Variants in ZCCHC14 observed in about 807,000 individuals in gnomAD.
ZCCHC14 encodes the protein zinc finger CCHC-type containing 14.
In ZCCHC14, 16 loss-of-function variants were observed where a neutral mutation model predicts 85.0. That is an observed-to-expected ratio of 0.19 (90% CI 0.13 to 0.29). ZCCHC14 has a LOEUF of 0.29. ZCCHC14 is among the 10% of genes least tolerant of loss of function. The pLI is 1.00. For synonymous variants in ZCCHC14, 775 were observed against 630.7 expected, an observed-to-expected ratio of 1.23 and a Z score of -3.43; for missense variants, 1,303 against 1,443.5, an observed-to-expected ratio of 0.90 and a Z score of 1.58.
At chr16:87,489,134 C>T (rs1173755470) in intron 1 of ZCCHC14, among the ~76,000 whole-genome samples, 8 of 152,182 alleles carry the variant, frequency 5.3e-5, no homozygotes, top group African/African-American at 1.7e-4. Context: ...GGTTCATCAA[C>T]GTCAGCCTTA....
intron 2 of ZCCHC14, among the ~76,000 whole-genome samples, chr16:87,447,628 T>A (rs144077003): frequency 1.3e-5 from 2 of 152,356 alleles, no homozygotes; most frequent in East Asian, 3.9e-4. Context: ...CTGGGTTGTT[T>A]CCAGTTTGGG....
intron 3 of ZCCHC14, among the ~76,000 whole-genome samples, chr16:87,428,270 A>G (rs1209566149): frequency 6.6e-6 from 1 of 152,202 alleles, no homozygotes; most frequent in Non-Finnish European, 1.5e-5. Flanking sequence ...ACAGGCTGAG[A>G]AAATCAGTGG....
At position 87,417,528 on chromosome 16, in the gene ZCCHC14, G is replaced by A. The variant is rs1908849473; in HGVS notation, c.1315C>T (p.Leu439=). 1 of 1,614,270 alleles carries A rather than the reference G, an allele frequency of 6.2e-7. No homozygotes were observed. The highest frequency in any genetic ancestry group is 1.3e-5 in the African/African-American group (1 of 75,068). Residue 439 remains leucine (L), a synonymous_variant, in exon 8 of 13, where the codon CTA becomes TTA. Transcript: ENST00000671377. ...TPQTQEQNGI[L]DWLRKLRLHK... ...AAACGCAGTTTCCTAAGCCAGTCTAGAATCCCATTCTGCTCCTGGGTCTGA... is the reference window on the plus strand; with the variant it reads ...AAACGCAGTTTCCTAAGCCAGTCTAAAATCCCATTCTGCTCCTGGGTCTGA...
intron 1 of ZCCHC14, chr16:87,471,266 A>T (rs1249138982): frequency 6.6e-6 from 1 of 152,274 alleles, no homozygotes; most frequent in Non-Finnish European, 1.5e-5. Flanking sequence ...CATTTTGCTA[A>T]AATAGTCATT....
intron 1 of ZCCHC14, chr16:87,467,090 G>T (rs1276157785): frequency 8.8e-6 from 5 of 565,002 alleles, no homozygotes; most frequent in South Asian, 4.1e-5. Flanking sequence ...CCGCTATGTT[G>T]CCCCATCTGA....
intron 3 of ZCCHC14, among the ~76,000 whole-genome samples, chr16:87,424,921 T>C (rs944475499): frequency 2.0e-5 from 3 of 151,944 alleles, no homozygotes; most frequent in African/African-American, 7.3e-5. Context: ...ACCAAATACA[T>C]TATGCAAAAG....
intron 1 of ZCCHC14, among the ~76,000 whole-genome samples, chr16:87,488,810 T>C (rs1912625620): frequency 6.6e-6 from 1 of 152,204 alleles, no homozygotes; most frequent in South Asian, 2.1e-4. Context: ...ACTCCTGGGC[T>C]CAAGCGATCT....
chr16:87,480,962 A>G (rs1301062474), intron 1 of ZCCHC14, among the ~76,000 whole-genome samples: 1 of 152,254 alleles, frequency 6.6e-6, no homozygotes, highest in Non-Finnish European at 1.5e-5. Context: ...CAGGGGACAG[A>G]TCACAAAGGC....
intron 2 of ZCCHC14, among the ~76,000 whole-genome samples, chr16:87,456,336 C>G (rs1910959167): frequency 6.6e-6 from 1 of 151,896 alleles, no homozygotes; most frequent in Non-Finnish European, 1.5e-5. Flanking sequence ...CGAGACTATC[C>G]TGGCTAACAC....
intron 1 of ZCCHC14, among the ~76,000 whole-genome samples, chr16:87,476,368 C>T (rs1197762440): frequency 1.3e-5 from 2 of 151,964 alleles, no homozygotes; most frequent in South Asian, 2.1e-4. Flanking sequence ...ATATTTTCCT[C>T]GTAATTTTTT....
chr16:87,467,195 T>G, intron 1 of ZCCHC14: 1 of 1,446,334 alleles, frequency 6.9e-7, no homozygotes, highest in Non-Finnish European at 9.7e-7. Context: ...GAGAAGACTA[T>G]TCTTCCTTTT....
rs372445333 is a variant in ZCCHC14 at position 87,464,434 on chromosome 16, T to C, written c.571-4303A>G. Among the ~76,000 whole-genome samples, 45 of 152,202 alleles carry C rather than the reference T, an allele frequency of 3.0e-4. 1 individual carries two copies. The South Asian group carries it at 6.4e-3, about 22-fold the overall frequency. On this transcript the variant is annotated intron_variant, in intron 1 of 12. Transcript: ENST00000671377. The stretch of plus-strand genomic sequence containing the variant: ...AAGTCCAGGTTTTATACTGCACCCA[T>C]CATCCGGTCCAATCCCGGCAAGGAC...
Position 87,411,972 on chromosome 16 carries a change from G to C in ZCCHC14, c.2749C>G (p.Pro917Ala), listed in dbSNP as rs1424328101. ...CACACAATGCAGCCTGGCGGGGGTG[G>C]GGCGGGCTGCGGGGGTGCCGGGGGC... ...QQPPAPPQPA[P>A]PPPGCIVCTS... Residue 917 changes from proline (P) to alanine (A), a missense_variant, in exon 12 of 13, where the codon CCA becomes GCA. By Grantham distance (27) the Pro-to-Ala change is conservative. Coordinates refer to ENST00000671377, the MANE Select transcript of ZCCHC14 (RefSeq NM_015144.3). 2 of 1,603,738 alleles carry C rather than the reference G, an allele frequency of 1.2e-6. No homozygotes were observed. Among genetic ancestry groups the C allele is most frequent in the East Asian group, 2.2e-5 (1 of 44,578 alleles).
chr16:87,482,339 G>A (rs950848325), intron 1 of ZCCHC14, among the ~76,000 whole-genome samples: 4 of 152,204 alleles, frequency 2.6e-5, no homozygotes, highest in South Asian at 4.1e-4. Context: ...AGAGAAGTCT[G>A]AGGAATAACA....
At chr16:87,413,456 A>AC (rs1908594612) in intron 10 of ZCCHC14, among the ~76,000 whole-genome samples, 1 of 151,500 alleles carries the variant, frequency 6.6e-6, no homozygotes, top group Non-Finnish European at 1.5e-5. Flanking sequence ...TGTGAAGGGC[A>AC]CCCCCAGCGC....
chr16:87,409,989 C>T lies in ZCCHC14; in HGVS notation c.*291G>A, dbSNP rs536502909. ...CCTAGGAGGGCCAGTGATGGCAATG[C>T]TCTTCGGGAGACATGGCGTCTCTGC... is the stretch of plus-strand genomic sequence containing the variant. On this transcript the variant is annotated 3_prime_UTR_variant, in exon 13 of 13. Transcript: ENST00000671377. 3 of 264,152 alleles carry T rather than the reference C, an allele frequency of 1.1e-5. No individual in the cohort carries two copies. Among genetic ancestry groups the T allele is most frequent in the Non-Finnish European group, 2.1e-5 (3 of 140,338 alleles). 16.4% of individuals were successfully genotyped at this position (264,152 alleles called of 1,614,324 possible).
chr16:87,437,397 A>G (rs1909979970), intron 2 of ZCCHC14, among the ~76,000 whole-genome samples: 1 of 151,280 alleles, frequency 6.6e-6, no homozygotes, highest in South Asian at 2.1e-4. Flanking sequence ...ATCACCTGAG[A>G]GAGCAGAGCC....
At chr16:87,451,874 T>A (rs539186702) in intron 2 of ZCCHC14, among the ~76,000 whole-genome samples, 2 of 152,360 alleles carry the variant, frequency 1.3e-5, no homozygotes, top group South Asian at 4.1e-4. Flanking sequence ...TGCATTCAGA[T>A]GTCTTGGTTT....
chr16:87,439,872 T>C (rs1254217748), intron 2 of ZCCHC14, among the ~76,000 whole-genome samples: 1 of 152,216 alleles, frequency 6.6e-6, no homozygotes, highest in Non-Finnish European at 1.5e-5. Context: ...AGCACAATAG[T>C]TGTTAAGTAT....
Sources: allele counts gnomAD v4.1 joint callset (sites outside exome capture counted in the v4.1 genomes callset), GRCh38; gene constraint gnomAD v4.1.1; transcripts MANE v1.5; gene names NCBI Gene and HGNC (gene_info 2026-07-23, HGNC 2026-07-21).